Variants in MEF2C observed in about 807,000 individuals in gnomAD.
MEF2C encodes myocyte-specific enhancer factor 2C.
A neutral mutation model predicts 50.5 loss-of-function variants in MEF2C; 6 were observed. That is an observed-to-expected ratio of 0.12 (90% CI 0.07 to 0.23). The LOEUF is 0.23. Among genes scored for constraint, MEF2C ranks in the 10% least tolerant of loss-of-function variants. The probability of loss-of-function intolerance (pLI) is 1.00; values close to 1 mark genes in which losing one functional copy is unlikely to be tolerated. For synonymous variants in MEF2C, 183 were observed against 228.0 expected, an observed-to-expected ratio of 0.80 and a Z score of 1.78; for missense variants, 276 against 605.0, an observed-to-expected ratio of 0.46 and a Z score of 5.70.
chr5:88,801,776 G>A (rs902369257), intron 3 of MEF2C, among the ~76,000 whole-genome samples: 5 of 152,084 alleles, frequency 3.3e-5, no homozygotes, highest in African/African-American at 1.2e-4. Flanking sequence ...GTGAGTCACC[G>A]TGCCTGGCCT....
chr5:88,862,523 G>A (rs1017053009), intron 1 of MEF2C, among the ~76,000 whole-genome samples: 1 of 150,864 alleles, frequency 6.6e-6, no homozygotes, highest in Non-Finnish European at 1.5e-5. Context: ...TCTTTCTTTA[G>A]TTTTATTCTT....
intron 1 of MEF2C, among the ~76,000 whole-genome samples, chr5:88,870,545 A>G (rs1829191333): frequency 1.3e-5 from 2 of 152,090 alleles, no homozygotes; most frequent in East Asian, 1.9e-4. Flanking sequence ...AAAATGGAGA[A>G]AAAAAGACCT....
rs113324735 is a variant in MEF2C, at chr5:88,753,546, C to T, written c.403-1503G>A. Among the ~76,000 whole-genome samples the T allele has an allele frequency of 2.3e-3, 348 of 152,238 alleles. 2 individuals are homozygous for T. The highest frequency in any genetic ancestry group is 1.8e-3 in the Non-Finnish European group (122 of 68,014). On this transcript the variant is annotated intron_variant, in intron 4 of 10. Transcript: ENST00000504921. ...AAGCAGTGGTTGGCATGTGCCACCA[C>T]GCCCAGCTATTTTTTTGTATTTTTA...
chr5:88,863,126 T>C (rs749615073), intron 1 of MEF2C, among the ~76,000 whole-genome samples: 6 of 152,220 alleles, frequency 3.9e-5, no homozygotes, highest in Admixed American at 3.3e-4. Context: ...TGACTGAAGA[T>C]TGACCTAACC....
chr5:88,826,094 G>A (rs1324435341), intron 1 of MEF2C, among the ~76,000 whole-genome samples: 1 of 151,866 alleles, frequency 6.6e-6, no homozygotes, highest in East Asian at 1.9e-4. Context: ...ACTTAGGAGA[G>A]TTCCTCCATA....
chr5:88,834,741 C>T (rs924922133), intron 1 of MEF2C, among the ~76,000 whole-genome samples: 28 of 152,256 alleles, frequency 1.8e-4, no homozygotes, highest in African/African-American at 6.7e-4. Context: ...TACTCCGTCA[C>T]TGTGCCTGTC....
At chr5:88,895,559 A>G (rs1358963037) in intron 1 of MEF2C, among the ~76,000 whole-genome samples, 1 of 152,218 alleles carries the variant, frequency 6.6e-6, no homozygotes, top group Non-Finnish European at 1.5e-5. Context: ...ATTAGATCCC[A>G]GTGAACTCCT....
At chr5:88,737,708 A>G in intron 6 of MEF2C, 2 of 985,378 alleles carry the variant, frequency 2.0e-6, no homozygotes, top group Non-Finnish European at 2.4e-6. Context: ...GAGATCTCAG[A>G]GTTTAGAAGG....
At chr5:88,853,290 T>C (rs575829242) in intron 1 of MEF2C, among the ~76,000 whole-genome samples, 81 of 152,316 alleles carry the variant, frequency 5.3e-4, no homozygotes, top group East Asian at 3.9e-4. Flanking sequence ...TAGCTGAGTG[T>C]GCAATGAGTA....
intron 1 of MEF2C, among the ~76,000 whole-genome samples, chr5:88,840,102 C>T (rs982319071): frequency 6.6e-6 from 1 of 152,078 alleles, no homozygotes; most frequent in African/African-American, 2.4e-5. Context: ...AATACCGTAC[C>T]CAAATTATTT....
chr5:88,854,553 A>C (rs1184761373), intron 1 of MEF2C, among the ~76,000 whole-genome samples: 1 of 152,186 alleles, frequency 6.6e-6, no homozygotes, highest in African/African-American at 2.4e-5. Flanking sequence ...ATACTTCATC[A>C]ACTACTTTTC....
intron 3 of MEF2C, among the ~76,000 whole-genome samples, chr5:88,796,043 G>T (rs578245229): frequency 6.6e-6 from 1 of 152,284 alleles, no homozygotes; most frequent in East Asian, 1.9e-4. Flanking sequence ...CGGTTTGCCA[G>T]TATTTTATTG....
chr5:88,762,818 CAG>C (rs1302175063), intron 3 of MEF2C, among the ~76,000 whole-genome samples: 3 of 151,994 alleles, frequency 2.0e-5, no homozygotes, highest in Non-Finnish European at 4.4e-5. Flanking sequence ...TTATTAAAGA[CAG>C]AATTCACATA....
intron 1 of MEF2C, among the ~76,000 whole-genome samples, chr5:88,855,199 T>C (rs1822853368): frequency 6.6e-6 from 1 of 152,168 alleles, no homozygotes; most frequent in South Asian, 2.1e-4. Flanking sequence ...TTTGAAAGAG[T>C]TTTGCTAAGT....
chr5:88,827,973 G>A (rs532234421), intron 1 of MEF2C, among the ~76,000 whole-genome samples: 4 of 149,638 alleles, frequency 2.7e-5, no homozygotes, highest in African/African-American at 4.9e-5. Context: ...TGAGTTTCTC[G>A]AGGTTCTTTA....
intron 1 of MEF2C, among the ~76,000 whole-genome samples, chr5:88,875,557 G>A (rs961340800): frequency 2.6e-5 from 4 of 151,880 alleles, no homozygotes; most frequent in African/African-American, 9.7e-5. Flanking sequence ...AGGGGGTGGG[G>A]AAGAGGTCTC....
intron 1 of MEF2C, among the ~76,000 whole-genome samples, chr5:88,837,858 A>C (rs1324408213): frequency 2.0e-5 from 3 of 152,250 alleles, no homozygotes; most frequent in African/African-American, 7.2e-5. Context: ...AAGTTTAATA[A>C]ATACATAATA....
intron 6 of MEF2C, chr5:88,746,479 T>C (rs625970): frequency 0.56 from 551,008 of 977,902 alleles, 158,606 homozygotes; most frequent in East Asian, 0.59. Flanking sequence ...TGACTTGATT[T>C]AGAAAAAAAC....
At chr5:88,730,716 GT>G (rs1309912487) in intron 7 of MEF2C, among the ~76,000 whole-genome samples, 19 of 152,110 alleles carry the variant, frequency 1.2e-4, no homozygotes. Flanking sequence ...ATTAGACCCA[GT>G]TTTTTTCTGA....
Sources: allele counts gnomAD v4.1 joint callset (sites outside exome capture counted in the v4.1 genomes callset), GRCh38; gene constraint gnomAD v4.1.1; transcripts MANE v1.5; gene names NCBI Gene and HGNC (gene_info 2026-07-23, HGNC 2026-07-21).